The following EPHA6 variants were observed in gnomAD, a reference collection of about 807,000 sequenced individuals.
The protein encoded by EPHA6 is EPH receptor A6, also known as ephrin type-A receptor 6.
In EPHA6, 50 loss-of-function variants were observed where a neutral mutation model predicts 112.0. That is an observed-to-expected ratio of 0.45 (90% CI 0.36 to 0.56). The LOEUF is 0.56. Among genes scored for constraint, EPHA6 ranks in the 20% least tolerant of loss-of-function variants. The pLI is 0.00. For missense variants in EPHA6, 1,280 were observed against 1,417.4 expected (o/e 0.90, Z 1.56); for synonymous variants, 529 against 490.7 (o/e 1.08, Z -1.03).
chr3:96,918,488 A>G (rs1252987727), intron 2 of EPHA6, among the ~76,000 whole-genome samples: 1 of 152,144 alleles, frequency 6.6e-6, no homozygotes, highest in Non-Finnish European at 1.5e-5. Context: ...TTGACCATTC[A>G]GTGATGGTAG....
intron 3 of EPHA6, among the ~76,000 whole-genome samples, chr3:97,039,098 G>A (rs557065210): frequency 1.3e-5 from 2 of 152,096 alleles, no homozygotes; most frequent in East Asian, 3.9e-4. Context: ...AAATGGGCTG[G>A]AAATGTTTAT....
chr3:96,882,297 T>C (rs1378584491), intron 2 of EPHA6, among the ~76,000 whole-genome samples: 2 of 152,238 alleles, frequency 1.3e-5, no homozygotes, highest in Non-Finnish European at 2.9e-5. Flanking sequence ...TCCAGGTGTT[T>C]CCATACATCT....
At chr3:97,134,677 A>G (rs931434816) in intron 3 of EPHA6, among the ~76,000 whole-genome samples, 4 of 152,192 alleles carry the variant, frequency 2.6e-5, no homozygotes, top group African/African-American at 4.8e-5. Flanking sequence ...ATTAGAGAAA[A>G]AACTAGTGCA....
At chr3:97,294,737 G>T (rs1463981204) in intron 5 of EPHA6, among the ~76,000 whole-genome samples, 2 of 151,936 alleles carry the variant, frequency 1.3e-5, no homozygotes, top group East Asian at 1.9e-4. Flanking sequence ...TAATAATATT[G>T]TCCTTTTGTT....
chr3:96,894,797 A>G (rs1014514619), intron 2 of EPHA6, among the ~76,000 whole-genome samples: 9 of 152,150 alleles, frequency 5.9e-5, no homozygotes, highest in Non-Finnish European at 8.8e-5. Context: ...TGGAATAGGA[A>G]TGCATAGATG....
intron 2 of EPHA6, among the ~76,000 whole-genome samples, chr3:96,984,269 A>G (rs1230635547): frequency 6.6e-6 from 1 of 151,988 alleles, no homozygotes; most frequent in African/African-American, 2.4e-5. Context: ...TTTCCTTCTA[A>G]CAGTCAGGAC....
intron 11 of EPHA6, among the ~76,000 whole-genome samples, chr3:97,566,446 T>A (rs1216187605): frequency 6.6e-6 from 1 of 152,210 alleles, no homozygotes; most frequent in Non-Finnish European, 1.5e-5. Context: ...CTCTAAAGAA[T>A]GTTTCTGCTA....
At chr3:97,603,681 G>C (rs1286799354) in intron 12 of EPHA6, among the ~76,000 whole-genome samples, 2 of 151,716 alleles carry the variant, frequency 1.3e-5, no homozygotes, top group African/African-American at 4.8e-5. Flanking sequence ...ATTGTTAATG[G>C]GAATAAGAAC....
At position 96,947,400 on chromosome 3, in the gene EPHA6, G is replaced by T. The variant is rs2041323113; in HGVS notation, c.451-39930G>T. ...ATCCAGTTTCAGCTTTCTACATATG[G>T]CTAGCCAGTTTTCCCAGCACCATTT... On this transcript the variant is annotated intron_variant, in intron 2 of 17. Transcript: ENST00000389672. Among the ~76,000 whole-genome samples the T allele has an allele frequency of 2.0e-5, 3 of 152,038 alleles. No homozygotes were observed. The South Asian group carries it at 6.2e-4, about 32-fold the overall frequency.
chr3:97,454,588 A>G (rs1403135488), intron 7 of EPHA6, among the ~76,000 whole-genome samples: 1 of 151,854 alleles, frequency 6.6e-6, no homozygotes, highest in Non-Finnish European at 1.5e-5. Flanking sequence ...GAGTCATGTA[A>G]AAACATAATA....
At chr3:96,830,698 T>C (rs142382311) in intron 1 of EPHA6, among the ~76,000 whole-genome samples, 107 of 152,164 alleles carry the variant, frequency 7.0e-4, no homozygotes, top group African/African-American at 2.6e-3. Context: ...TGTAAGCACA[T>C]TGAATCTATA....
chr3:97,596,719 C>G (rs1396489264), intron 12 of EPHA6, among the ~76,000 whole-genome samples: 1 of 142,884 alleles, frequency 7.0e-6, no homozygotes, highest in Non-Finnish European at 1.5e-5. Context: ...CTTTTTTGTC[C>G]CTTTTCTATC....
At chr3:97,342,305 T>G (rs2083344287) in intron 5 of EPHA6, among the ~76,000 whole-genome samples, 1 of 152,230 alleles carries the variant, frequency 6.6e-6, no homozygotes, top group Non-Finnish European at 1.5e-5. Context: ...CTTTTAAATT[T>G]TACAGTGTGA....
chr3:97,100,666 A>G (rs2047378163), intron 3 of EPHA6, among the ~76,000 whole-genome samples: 1 of 151,940 alleles, frequency 6.6e-6, no homozygotes, highest in Admixed American at 6.6e-5. Flanking sequence ...GGGATAACTG[A>G]AGGTACGTGT....
intron 5 of EPHA6, among the ~76,000 whole-genome samples, chr3:97,285,856 A>G (rs1489768556): frequency 6.6e-6 from 1 of 152,142 alleles, no homozygotes; most frequent in Non-Finnish European, 1.5e-5. Context: ...TCCCACCAAC[A>G]GTGTATGACA....
At chr3:97,736,485 G>C (rs1268710089) in intron 16 of EPHA6, among the ~76,000 whole-genome samples, 1 of 151,254 alleles carries the variant, frequency 6.6e-6, no homozygotes, top group African/African-American at 2.4e-5. Context: ...GTGTGTGTGT[G>C]TGTGTGTGTG....
chr3:97,376,294 A>G (rs2085347807), intron 5 of EPHA6, among the ~76,000 whole-genome samples: 1 of 152,198 alleles, frequency 6.6e-6, no homozygotes, highest in African/African-American at 2.4e-5. Context: ...TTAAAACTAA[A>G]GTACAGAATT....
Position 96,994,265 on chromosome 3 carries a change from A to C in EPHA6, c.1114+6272A>C. On this transcript the variant is annotated intron_variant, in intron 3 of 17. Coordinates refer to ENST00000389672, the MANE Select transcript of EPHA6 (RefSeq NM_001080448.3). ...GTAAGCAGTATTTTAGTCCTCTTTC[A>C]AATCTCAGCTGATATTTCATAACTT... 5.5e-6 allele frequency: 2 copies of C among 364,626 alleles called. 1 individual carries two copies. Among genetic ancestry groups the C allele is most frequent in the South Asian group, 6.0e-5 (2 of 33,310 alleles). 22.6% of individuals were successfully genotyped at this position (364,626 alleles called of 1,614,324 possible).
At chr3:97,279,232 C>T (rs528199198) in intron 5 of EPHA6, among the ~76,000 whole-genome samples, 4 of 152,000 alleles carry the variant, frequency 2.6e-5, no homozygotes, top group Non-Finnish European at 5.9e-5. Flanking sequence ...GAAAGAGAAA[C>T]ATGGTATTTT....
Sources: gnomAD v4.1 joint callset for allele counts (sites outside exome capture counted in the v4.1 genomes callset) on GRCh38, gnomAD v4.1.1 for gene constraint, MANE v1.5 for transcripts, NCBI Gene and HGNC (gene_info 2026-07-23, HGNC 2026-07-21) for gene names.